TTC22: variants seen among roughly 807,000 people sequenced by gnomAD.
The protein encoded by TTC22 is tetratricopeptide repeat protein 22.
Under a neutral mutation model 48.2 loss-of-function variants are expected in TTC22, and 42 were observed. The ratio of observed to expected loss-of-function variants is 0.87; its 90% CI spans 0.68 to 1.13. The LOEUF is 1.13. TTC22 is among the 50% of genes most tolerant of loss of function. The pLI is 0.00. For missense variants in TTC22, 784 were observed against 807.0 expected (o/e 0.97, Z 0.34); for synonymous variants, 345 against 365.5 (o/e 0.94, Z 0.64).
In TTC22 at chr1:54,797,872, C is replaced by T. The variant is rs559209616; in HGVS notation, c.567+2725G>A. ...GTCCTTTGAGGTCCAGAGGCTCTTCCCCACCTGGGAGGGTCCCAGCCCCAC... is the reference window on the plus strand; with the variant it reads ...GTCCTTTGAGGTCCAGAGGCTCTTCTCCACCTGGGAGGGTCCCAGCCCCAC... On this transcript the variant is annotated intron_variant, in intron 1 of 6. Coordinates refer to ENST00000371276, the MANE Select transcript of TTC22 (RefSeq NM_001114108.2). Among the ~76,000 whole-genome samples, 15 of 152,228 alleles carry T rather than the reference C, an allele frequency of 9.9e-5. No individual in the cohort carries two copies. In the South Asian group the frequency reaches 2.5e-3, roughly 25 times the overall value.
chr1:54,800,658 C>A lies in TTC22; in HGVS notation c.506G>T (p.Arg169Leu), dbSNP rs576932879. 1 of 1,554,258 alleles carries A rather than the reference C, an allele frequency of 6.4e-7. No individual in the cohort carries two copies. Among genetic ancestry groups the A allele is most frequent in the East Asian group, 2.4e-5 (1 of 41,124 alleles). The change falls in exon 1 of 7, where the codon CGT becomes CTT. Residue 169 changes from arginine to leucine, a missense_variant. Transcript: ENST00000371276. ...FDVGCASPEERARGLAAGIAL... is the reference protein window; with the variant it reads ...FDVGCASPEELARGLAAGIAL... ...GATGCCTGCCGCCAGCCCCCGCGCA[C>A]GCTCCTCTGGGCTGGCGCAGCCGAC...
Position 54,800,711 on chromosome 1 carries a change from G to A in TTC22, c.453C>T (p.Ala151=), listed in dbSNP as rs200133292. The change falls in exon 1 of 7, where the codon GCC becomes GCT. Residue 151 remains alanine, a synonymous_variant. Transcript: ENST00000371276. The part of the protein sequence containing the change: ...DPQLRAARCL[A]EQGYAHGFDV... ...CGAAGCCATGCGCGTAGCCCTGCTCGGCCAGGCAGCGAGCGGCGCGGAGCT... is the reference window on the plus strand; with the variant it reads ...CGAAGCCATGCGCGTAGCCCTGCTCAGCCAGGCAGCGAGCGGCGCGGAGCT... 6.5e-7 allele frequency: 1 copy of A among 1,545,100 alleles called. No individual in the cohort carries two copies. Among genetic ancestry groups the A allele is most frequent in the South Asian group, 1.2e-5 (1 of 84,658 alleles).
At position 54,781,282 on chromosome 1, in the gene TTC22, G is replaced by A. The variant is rs1227990233; in HGVS notation, c.1671C>T (p.Gly557=). 1 of 1,476,926 alleles carries A rather than the reference G, an allele frequency of 6.8e-7. No homozygotes were observed. Among genetic ancestry groups the A allele is most frequent in the Admixed American group, 2.4e-5 (1 of 41,148 alleles). The allele number at this position is 1,476,926 out of a possible 1,614,324, so 91.5% of individuals were successfully genotyped here. Residue 557 remains glycine (G), a synonymous_variant, in exon 7 of 7, where the codon GGC becomes GGT. Transcript: ENST00000371276. ...LFETMEREGE[G]ASAPRDRRAV... is the part of the protein sequence containing the mutation. Reference sequence around the variant, plus strand: ...CCCGGCGGTCCCGCGGCGCGCTGGCGCCCTCGCCCTCGCGCTCCATGGTCT... The same window carrying A: ...CCCGGCGGTCCCGCGGCGCGCTGGCACCCTCGCCCTCGCGCTCCATGGTCT...
In TTC22 at chr1:54,801,179, T is replaced by A. The variant is rs1289825852; in HGVS notation, c.-16A>T. ...GCTCCGCCATGACTGCTCCCTCTGC[T>A]CCCCTGGCCTCACCCTTGTCCCTGA... On this transcript the variant is annotated 5_prime_UTR_variant, in exon 1 of 7. Coordinates refer to ENST00000371276, the MANE Select transcript of TTC22 (RefSeq NM_001114108.2). 5.0e-6 allele frequency: 8 copies of A among 1,607,826 alleles called. No homozygotes were observed. Among genetic ancestry groups the A allele is most frequent in the Non-Finnish European group, 6.8e-6 (8 of 1,176,512 alleles).
intron 1 of TTC22, chr1:54,793,195 C>T (rs574710928): frequency 1.1e-4 from 17 of 152,314 alleles, no homozygotes; most frequent in African/African-American, 3.6e-4. Flanking sequence ...GAGGAGCTTA[C>T]ATTAGGCTGC....
chr1:54,788,146 C>A (rs1317267184), intron 1 of TTC22, 49 bp from the exon 2 acceptor site: 1 of 1,581,182 alleles, frequency 6.3e-7, no homozygotes, highest in Non-Finnish European at 8.7e-7. Context: ...GGTACTCTGG[C>A]CATTGTTCAT....
intron 5 of TTC22, chr1:54,784,995 A>G (rs551612779): frequency 1.3e-5 from 3 of 229,878 alleles, no homozygotes; most frequent in Non-Finnish European, 2.8e-5. Flanking sequence ...AATTAGTAGC[A>G]GTCAGTCTCT....
intron 1 of TTC22, among the ~76,000 whole-genome samples, chr1:54,798,662 C>T (rs2101475066): frequency 6.6e-6 from 1 of 152,322 alleles, no homozygotes; most frequent in Middle Eastern, 3.4e-3. Context: ...TTTGCTTCTC[C>T]TTTTGTTCAA....
Position 54,781,782 on chromosome 1 carries a change from G to A in TTC22, c.1174-3C>T. On this transcript the variant is annotated splice_region_variant and splice_polypyrimidine_tract_variant and intron_variant, in intron 6 of 6. Transcript: ENST00000371276. The stretch of plus-strand genomic sequence containing the variant: ...TCCACGCCCATATAGTAGTAGACCT[G>A]GGGTCGGGGACGCGGGGTGAGCCCT... 1 of 1,421,704 alleles carries A rather than the reference G, an allele frequency of 7.0e-7. No individual in the cohort carries two copies. Among genetic ancestry groups the A allele is most frequent in the South Asian group, 1.4e-5 (1 of 69,072 alleles). 88.1% of individuals were successfully genotyped at this position (1,421,704 alleles called of 1,614,324 possible). A position where few individuals can be genotyped will look rare whatever the true frequency, so the allele number is the denominator to read the frequency against.
chr1:54,787,566 G>A, intron 3 of TTC22, 145 bp downstream of exon 3: 2 of 665,158 alleles, frequency 3.0e-6, no homozygotes, highest in Non-Finnish European at 5.4e-6. Flanking sequence ...GGCTCCTTGA[G>A]GTGCACAGAT....
At chr1:54,788,155 A>G (rs915593993) in intron 1 of TTC22, 58 bp from the exon 2 acceptor site, 24 of 1,539,756 alleles carry the variant, frequency 1.6e-5, no homozygotes, top group Non-Finnish European at 2.0e-5. Flanking sequence ...GCCATTGTTC[A>G]TAAACTCCCA....
chr1:54,781,224 C>A lies in TTC22; in HGVS notation c.*19G>T. On this transcript the variant is annotated 3_prime_UTR_variant, in exon 7 of 7. Coordinates refer to ENST00000371276, the MANE Select transcript of TTC22 (RefSeq NM_001114108.2). Reference sequence around the variant, plus strand: ...CCTGGGCGGGGTCCCAGGGAGCCTCCGGCCTGGGCACCTGAGCCCTAGAAT... The same window carrying A: ...CCTGGGCGGGGTCCCAGGGAGCCTCAGGCCTGGGCACCTGAGCCCTAGAAT... 3 of 1,421,660 alleles carry A rather than the reference C, an allele frequency of 2.1e-6. No individual in the cohort carries two copies. The highest frequency in any genetic ancestry group is 2.7e-6 in the Non-Finnish European group (3 of 1,096,918). 88.1% of individuals were successfully genotyped at this position (1,421,660 alleles called of 1,614,324 possible).
At chr1:54,785,719 G>A (rs1469069138) in intron 5 of TTC22, 19 of 456,958 alleles carry the variant, frequency 4.2e-5, no homozygotes, top group South Asian at 1.7e-4. Flanking sequence ...AGGCTGAGGC[G>A]GGAGGATTGC....
intron 1 of TTC22, among the ~76,000 whole-genome samples, chr1:54,790,858 CT>C (rs1646345531): frequency 8.1e-6 from 1 of 123,338 alleles, no homozygotes; most frequent in Admixed American, 7.9e-5. Context: ...CCTCCTCCTC[CT>C]TCTTCTTCTT....
chr1:54,781,839 G>A (rs1017539059), intron 6 of TTC22, 60 bp from the exon 7 acceptor site: 8 of 1,350,908 alleles, frequency 5.9e-6, no homozygotes, highest in Admixed American at 3.6e-5. Context: ...GCTCATTCCC[G>A]CCCCACGCTT....
chr1:54,787,922 G>C, intron 2 of TTC22, 96 bp from the exon 3 acceptor site: 1 of 1,480,228 alleles, frequency 6.8e-7, no homozygotes, highest in Non-Finnish European at 9.4e-7. Flanking sequence ...GGGGGTGGCG[G>C]TTTGGGGAGC....
chr1:54,800,770 G>T lies in TTC22; in HGVS notation c.394C>A (p.Leu132Met). 6.4e-7 allele frequency: 1 copy of T among 1,555,314 alleles called. No homozygotes were observed. Residue 132 changes from leucine to methionine, a missense_variant, in exon 1 of 7, where the codon CTG (leucine) becomes ATG (methionine). By Grantham distance (15) the Leu-to-Met change is conservative. Transcript: ENST00000371276. Reference sequence around the variant, plus strand: ...CCGGCGGCCTCGGGCTCCTCTGCCAGGCCCATGAGGTCGGCCAGCCGTGCG... The same window carrying T: ...CCGGCGGCCTCGGGCTCCTCTGCCATGCCCATGAGGTCGGCCAGCCGTGCG... Reference protein sequence around the residue: ...CAARLADLMGLAEEPEAAGDP... With the variant: ...CAARLADLMGMAEEPEAAGDP...
At chr1:54,795,055 G>A (rs982617783) in intron 1 of TTC22, 1 of 152,262 alleles carries the variant, frequency 6.6e-6, no homozygotes, top group African/African-American at 2.4e-5. Context: ...AGGGAAGGGG[G>A]TTGCTCTTCC....
intron 5 of TTC22, 97 bp downstream of exon 5, chr1:54,785,886 T>G (rs934406724): frequency 8.4e-7 from 1 of 1,188,382 alleles, no homozygotes; most frequent in African/African-American, 1.5e-5. Flanking sequence ...CCATGAGGAC[T>G]CCCTGACCCT....
Sources: allele counts gnomAD v4.1 joint callset (sites outside exome capture counted in the v4.1 genomes callset), GRCh38; gene constraint gnomAD v4.1.1; transcripts MANE v1.5; gene names NCBI Gene and HGNC (gene_info 2026-07-23, HGNC 2026-07-21).